The following DNAJC12 variants were observed in gnomAD, a reference collection of about 807,000 sequenced individuals.
The protein encoded by DNAJC12 is DnaJ heat shock protein family (Hsp40) member C12.
In DNAJC12, 25 loss-of-function variants were observed where a neutral mutation model predicts 28.5. That is an observed-to-expected ratio of 0.88 (90% CI 0.64 to 1.22). DNAJC12 has a LOEUF of 1.22. Among genes scored for constraint, DNAJC12 ranks in the 50% most tolerant of loss-of-function variants. DNAJC12 has a pLI of 0.00. For missense variants in DNAJC12, 222 were observed against 231.7 expected (o/e 0.96, Z 0.27); for synonymous variants, 77 against 80.6 (o/e 0.95, Z 0.24).
chr10:67,798,656 T>C (rs144205020), intron 4 of DNAJC12, among the ~76,000 whole-genome samples: 1 of 151,780 alleles, frequency 6.6e-6, no homozygotes, highest in East Asian at 1.9e-4. Flanking sequence ...CACTCAAGCC[T>C]GGGTAATAGA....
chr10:67,811,782 G>A (rs1841863527), intron 2 of DNAJC12, 119 bp from the exon 3 acceptor site: 1 of 1,473,880 alleles, frequency 6.8e-7, no homozygotes, highest in Admixed American at 2.6e-5. Context: ...GTGACCTTGG[G>A]CCAATTTACC....
At chr10:67,797,305 A>G in intron 4 of DNAJC12, 95 bp from the exon 5 acceptor site, 1 of 946,432 alleles carries the variant, frequency 1.1e-6, no homozygotes, top group Non-Finnish European at 1.6e-6. Flanking sequence ...TCACTGCAGC[A>G]GGTACAATGT....
chr10:67,829,077 G>A (rs1237439693), intron 1 of DNAJC12, among the ~76,000 whole-genome samples: 3 of 152,116 alleles, frequency 2.0e-5, no homozygotes, highest in African/African-American at 7.2e-5. Context: ...AAAACAGTGA[G>A]CCTTACTTAA....
chr10:67,826,934 G>T (rs1490098950), intron 1 of DNAJC12, among the ~76,000 whole-genome samples: 4 of 127,768 alleles, frequency 3.1e-5, no homozygotes, highest in Admixed American at 9.0e-5. Flanking sequence ...TATATATCAT[G>T]ATATATATAA....
At chr10:67,820,045 C>T (rs1841967965) in intron 2 of DNAJC12, among the ~76,000 whole-genome samples, 1 of 152,208 alleles carries the variant, frequency 6.6e-6, no homozygotes, top group African/African-American at 2.4e-5. Context: ...GACTTCCCAA[C>T]TGATGGTCAG....
At chr10:67,807,456 C>T (rs1006362137) in intron 3 of DNAJC12, among the ~76,000 whole-genome samples, 20 of 151,134 alleles carry the variant, frequency 1.3e-4, no homozygotes, top group Admixed American at 1.3e-3. Context: ...AAAATAAAAA[C>T]GTTAATTTTT....
intron 2 of DNAJC12, among the ~76,000 whole-genome samples, chr10:67,819,413 C>T (rs1487857564): frequency 6.6e-6 from 1 of 151,372 alleles, no homozygotes; most frequent in African/African-American, 2.4e-5. Flanking sequence ...CCGAGGCAGG[C>T]GAATCACCTG....
chr10:67,829,408 A>C (rs1291295650), intron 1 of DNAJC12, among the ~76,000 whole-genome samples: 1 of 152,178 alleles, frequency 6.6e-6, no homozygotes, highest in African/African-American at 2.4e-5. Context: ...GGGGAGGCCG[A>C]GGCGGGTGGA....
chr10:67,829,683 G>A (rs891536402), intron 1 of DNAJC12, among the ~76,000 whole-genome samples: 58 of 151,968 alleles, frequency 3.8e-4, no homozygotes, highest in Admixed American at 5.3e-4. Context: ...AAACAAATCT[G>A]TCCCTGTTGA....
chr10:67,829,005 G>C (rs900211406), intron 1 of DNAJC12, among the ~76,000 whole-genome samples: 2 of 152,086 alleles, frequency 1.3e-5, no homozygotes, highest in African/African-American at 4.8e-5. Flanking sequence ...GGCGCAGAGG[G>C]AGGTGGGGGG....
Position 67,823,448 on chromosome 10 carries a change from G to A in DNAJC12, c.79-56C>T, listed in dbSNP as rs962608. ...AGTCATGCCAGGCGCAGTGACTCAC[G>A]CCTATAATCTCAACACTTTGGGAGG... On this transcript the variant is annotated intron_variant, in intron 1 of 4. Transcript: ENST00000225171. The A allele has an allele frequency of 0.75, 1,096,783 of 1,454,124 alleles. 421,715 individuals carry two copies. The highest frequency in any genetic ancestry group is 0.8 in the Non-Finnish European group (829,370 of 1,038,712). The allele number at this position is 1,454,124 out of a possible 1,614,324, so 90.1% of individuals were successfully genotyped here.
chr10:67,797,967 C>G (rs571640251), intron 4 of DNAJC12, among the ~76,000 whole-genome samples: 20 of 150,546 alleles, frequency 1.3e-4, no homozygotes, highest in South Asian at 4.2e-4. Context: ...GTGAACCCGG[C>G]ATGCGGAGGT....
intron 1 of DNAJC12, chr10:67,833,938 C>T: frequency 2.1e-6 from 1 of 470,416 alleles, no homozygotes; most frequent in Non-Finnish European, 4.4e-6. Flanking sequence ...CCCAAAATGA[C>T]AAAACAAGAA....
intron 1 of DNAJC12, among the ~76,000 whole-genome samples, chr10:67,832,131 G>A (rs555313765): frequency 1.3e-5 from 2 of 152,176 alleles, no homozygotes; most frequent in South Asian, 2.1e-4. Flanking sequence ...TGGGTGTGGT[G>A]GCGCATGCCT....
chr10:67,818,497 A>G (rs2131803094), intron 2 of DNAJC12, among the ~76,000 whole-genome samples: 1 of 152,284 alleles, frequency 6.6e-6, no homozygotes, highest in South Asian at 2.1e-4. Context: ...CACTATGGCA[A>G]CTAGAAATGG....
At chr10:67,807,528 G>C (rs1841815879) in intron 3 of DNAJC12, among the ~76,000 whole-genome samples, 1 of 152,126 alleles carries the variant, frequency 6.6e-6, no homozygotes, top group African/African-American at 2.4e-5. Flanking sequence ...GTTGGTTTAG[G>C]TTTGTTGTTT....
chr10:67,825,847 C>T (rs1307672527), intron 1 of DNAJC12, among the ~76,000 whole-genome samples: 1 of 152,166 alleles, frequency 6.6e-6, no homozygotes, highest in African/African-American at 2.4e-5. Context: ...CTGTAATTAA[C>T]TATGTGTTTC....
At position 67,831,411 on chromosome 10, in the gene DNAJC12, C is replaced by G. The variant is rs190599909; in HGVS notation, c.78+6523G>C. ...TAAATTTTAAAACTTAGAAACTTAT[C>G]TTTTCCATATTCTGCTAGCAAAATA... On this transcript the variant is annotated intron_variant, in intron 1 of 4. Transcript: ENST00000225171. Among the ~76,000 whole-genome samples the G allele has an allele frequency of 4.1e-3, 627 of 152,210 alleles. 7 individuals carry two copies. The highest frequency in any genetic ancestry group is 0.014 in the African/African-American group (592 of 41,514).
intron 2 of DNAJC12, among the ~76,000 whole-genome samples, chr10:67,817,052 T>C (rs1297349981): frequency 6.6e-6 from 1 of 151,988 alleles, no homozygotes; most frequent in Non-Finnish European, 1.5e-5. Flanking sequence ...TTTACTTTTT[T>C]TTTTTTCAGG....
Sources: allele counts gnomAD v4.1 joint callset (sites outside exome capture counted in the v4.1 genomes callset), GRCh38; gene constraint gnomAD v4.1.1; transcripts MANE v1.5; gene names NCBI Gene and HGNC (gene_info 2026-07-23, HGNC 2026-07-21).